The following CACNA1A variants were observed in gnomAD, a reference collection of about 807,000 sequenced individuals.
CACNA1A encodes the protein voltage-dependent P/Q-type calcium channel subunit alpha-1A.
Under a neutral mutation model 262.4 loss-of-function variants are expected in CACNA1A, and 57 were observed. The observed-to-expected ratio is 0.22, with a 90% CI of 0.18 to 0.27. The LOEUF (loss-of-function observed/expected upper bound fraction) is 0.27, where lower values mean the gene tolerates loss of function less well. Among genes scored for constraint, CACNA1A ranks in the 10% least tolerant of loss-of-function variants. The pLI is 1.00. For synonymous variants in CACNA1A, 1,431 were observed against 1,419.3 expected, an observed-to-expected ratio of 1.01 and a Z score of -0.18; for missense variants, 2,526 against 3,562.8, an observed-to-expected ratio of 0.71 and a Z score of 7.41.
intron 1 of CACNA1A, among the ~76,000 whole-genome samples, chr19:13,503,799 G>C (rs952812632): frequency 6.6e-6 from 1 of 152,032 alleles, no homozygotes; most frequent in Non-Finnish European, 1.5e-5. Context: ...AGTCTGCAGA[G>C]AGCATAATGC....
chr19:13,208,879 ATGGTGGTGGTGGTGGTGG>A lies in CACNA1A; in HGVS notation c.6639_6656del (p.His2214_His2219del). ...AGCGGTCCTTGTCGGGGGGCGGGGGATGGTGGTGGTGGTGGTGGTGGTGGTGGTGCTGTCGATGCTTCC... is the reference window on the plus strand; with the variant it reads ...AGCGGTCCTTGTCGGGGGGCGGGGGATGGTGGTGGTGCTGTCGATGCTTCC... On this transcript the variant is annotated inframe_deletion, in exon 46 of 47. Transcript: ENST00000360228. 6.9e-7 allele frequency: 1 copy of A among 1,454,070 alleles called. No individual in the cohort carries two copies. Among genetic ancestry groups the A allele is most frequent in the Non-Finnish European group, 9.2e-7 (1 of 1,081,308 alleles). 90.1% of individuals were successfully genotyped at this position (1,454,070 alleles called of 1,614,324 possible). A position where few individuals can be genotyped will look rare whatever the true frequency, so the allele number is the denominator to read the frequency against.
At chr19:13,496,872 T>G (rs1053718875) in intron 1 of CACNA1A, among the ~76,000 whole-genome samples, 1 of 152,190 alleles carries the variant, frequency 6.6e-6, no homozygotes, top group East Asian at 1.9e-4. Context: ...AAACATCAGA[T>G]GTATTAACTC....
At chr19:13,233,760 G>C (rs568162777) in intron 34 of CACNA1A, among the ~76,000 whole-genome samples, 1 of 152,124 alleles carries the variant, frequency 6.6e-6, no homozygotes, top group African/African-American at 2.4e-5. Context: ...CAAAATGCTA[G>C]GATTACAGGC....
intron 3 of CACNA1A, among the ~76,000 whole-genome samples, chr19:13,393,561 C>T (rs983420552): frequency 6.3e-5 from 8 of 126,396 alleles, no homozygotes; most frequent in Non-Finnish European, 1.3e-4. Context: ...TGTTCCCTCC[C>T]TCCCCCCCTT....
intron 30 of CACNA1A, 61 bp downstream of exon 30, chr19:13,252,930 C>A: frequency 8.9e-7 from 1 of 1,123,576 alleles, no homozygotes; most frequent in East Asian, 2.4e-5. Context: ...TCATCCAGGA[C>A]CCATTGTTCC....
intron 3 of CACNA1A, among the ~76,000 whole-genome samples, chr19:13,378,480 A>G (rs1431638969): frequency 1.3e-5 from 2 of 152,086 alleles, no homozygotes; most frequent in African/African-American, 2.4e-5. Flanking sequence ...ATGGATGCGG[A>G]AAACTTTCTT....
At chr19:13,356,056 T>C (rs2059002777) in intron 6 of CACNA1A, among the ~76,000 whole-genome samples, 1 of 152,118 alleles carries the variant, frequency 6.6e-6, no homozygotes, top group Non-Finnish European at 1.5e-5. Flanking sequence ...GGGATGTAAA[T>C]GTGTGGAAAG....
At chr19:13,276,395 G>C (rs909010290) in intron 23 of CACNA1A, among the ~76,000 whole-genome samples, 4 of 152,174 alleles carry the variant, frequency 2.6e-5, no homozygotes, top group African/African-American at 9.7e-5. Flanking sequence ...GCTTCCCACA[G>C]ATGCCAAAGG....
rs904516156 is a variant in CACNA1A, at chr19:13,414,084, T to C, written c.539+38792A>G. The stretch of plus-strand genomic sequence containing the variant: ...ACAAAAAATACAAAAATTAGCCAGG[T>C]GTGTTGGTGCCCGTCTGTAGTCCCA... On this transcript the variant is annotated intron_variant, in intron 3 of 46. Coordinates refer to ENST00000360228, the MANE Select transcript of CACNA1A (RefSeq NM_001127222.2). 4.6e-5 allele frequency among the ~76,000 whole-genome samples: 7 copies of C among 151,064 alleles called. No homozygotes were observed. In the South Asian group the frequency reaches 6.3e-4, roughly 14 times the overall value.
At chr19:13,273,625 C>G (rs902399583) in intron 24 of CACNA1A, 9 of 151,212 alleles carry the variant, frequency 6.0e-5, no homozygotes, top group Non-Finnish European at 1.5e-5. Context: ...TATTTATTTA[C>G]TTTTTAACCT....
At chr19:13,340,820 T>C (rs2058666232) in intron 6 of CACNA1A, among the ~76,000 whole-genome samples, 1 of 152,110 alleles carries the variant, frequency 6.6e-6, no homozygotes, top group Non-Finnish European at 1.5e-5. Context: ...CTGGTACCTA[T>C]GAATTGGAAA....
intron 40 of CACNA1A, among the ~76,000 whole-genome samples, chr19:13,213,178 C>T (rs761174393): frequency 5.8e-4 from 89 of 152,328 alleles, no homozygotes; most frequent in Non-Finnish European, 1.3e-3. Flanking sequence ...CCCTTGTCTC[C>T]TCCCTGCTCT....
Position 13,365,319 on chromosome 19 carries a change from G to A in CACNA1A, c.782C>T (p.Thr261Ile). ...TGCATCATGCTCCGTGGACCTACCTGTCCCCTCTTCAAAGCAGGTGGTATG... is the reference window on the plus strand; with the variant it reads ...TGCATCATGCTCCGTGGACCTACCTATCCCCTCTTCAAAGCAGGTGGTATG... The part of the protein sequence containing the change: ...KFHTTCFEEG[T>I]DDIQGESPAP... Residue 261 changes from threonine (T) to isoleucine (I), a missense_variant and splice_region_variant, in exon 5 of 47, where the codon ACA (threonine) becomes ATA (isoleucine). Physicochemically the swap from Thr to Ile is moderately conservative, Grantham distance 89 (BLOSUM62 -1). This residue lies in a region of CACNA1A where 52 missense variants were observed against 124.0 expected (regional missense o/e 0.42). Coordinates refer to ENST00000360228, the MANE Select transcript of CACNA1A (RefSeq NM_001127222.2). The A allele has an allele frequency of 6.2e-7, 1 of 1,612,024 alleles. No individual in the cohort carries two copies. Among genetic ancestry groups the A allele is most frequent in the Non-Finnish European group, 8.5e-7 (1 of 1,178,502 alleles).
chr19:13,304,091 C>T (rs1010958183), intron 15 of CACNA1A, among the ~76,000 whole-genome samples: 2 of 152,060 alleles, frequency 1.3e-5, no homozygotes, highest in African/African-American at 4.8e-5. Flanking sequence ...GTTCCTGCGT[C>T]GTGGGGCTCT....
At chr19:13,295,583 C>G (rs1224842143) in intron 19 of CACNA1A, among the ~76,000 whole-genome samples, 2 of 151,814 alleles carry the variant, frequency 1.3e-5, no homozygotes. Context: ...TCTTGAACTC[C>G]TGGGCTCAAG....
chr19:13,482,331 A>C (rs751180074), intron 1 of CACNA1A, among the ~76,000 whole-genome samples: 110 of 152,136 alleles, frequency 7.2e-4, no homozygotes, highest in Non-Finnish European at 1.2e-3. Flanking sequence ...AAATACAAAA[A>C]AACTAGCCGG....
At chr19:13,264,540 A>G (rs1188427578) in intron 24 of CACNA1A, among the ~76,000 whole-genome samples, 2 of 152,088 alleles carry the variant, frequency 1.3e-5, no homozygotes, top group African/African-American at 4.8e-5. Context: ...ATCTAGTCCA[A>G]CTTACCTTCA....
rs755202232 is a variant in CACNA1A, at chr19:13,303,855, G to A, written c.2016C>T (p.Val672=). Residue 672 remains valine (V), a synonymous_variant, in exon 16 of 47, where the codon GTC becomes GTT. Transcript: ENST00000360228. The stretch of plus-strand genomic sequence containing the variant: ...CCTGAGACTTGATCCCGTCGTACAT[G>A]ACCTCGTTCCAGTCTTCGCCCGTCA... ...QILTGEDWNE[V]MYDGIKSQGG... 4 of 1,613,568 alleles carry A rather than the reference G, an allele frequency of 2.5e-6. No individual in the cohort carries two copies. The Admixed American group carries it at 5.0e-5, about 20-fold the overall frequency.
chr19:13,453,972 A>T (rs1402304755), intron 2 of CACNA1A, among the ~76,000 whole-genome samples: 1 of 151,932 alleles, frequency 6.6e-6, no homozygotes, highest in Non-Finnish European at 1.5e-5. Flanking sequence ...ACATTGTGAA[A>T]TGTATGTTTG....
Sources: allele counts gnomAD v4.1 joint callset (sites outside exome capture counted in the v4.1 genomes callset), GRCh38; gene constraint gnomAD v4.1.1; regional missense constraint gnomAD v4.1.1; transcripts MANE v1.5; gene names NCBI Gene and HGNC (gene_info 2026-07-23, HGNC 2026-07-21).